Variants in CSMD1 observed in about 807,000 individuals in gnomAD.
The protein encoded by CSMD1 is CUB and sushi domain-containing protein 1.
In CSMD1, 213 loss-of-function variants were observed where a neutral mutation model predicts 417.5. The observed-to-expected ratio is 0.51, with a 90% CI of 0.46 to 0.57. CSMD1 has a LOEUF of 0.57. Ranked by LOEUF, CSMD1 falls within the 20% of genes least tolerant of loss-of-function variation. The probability of loss-of-function intolerance (pLI) is 0.00; values close to 1 mark genes in which losing one functional copy is unlikely to be tolerated. For synonymous variants in CSMD1, 2,862 were observed against 1,736.8 expected, an observed-to-expected ratio of 1.65 and a Z score of -16.11; for missense variants, 6,923 against 4,529.7, an observed-to-expected ratio of 1.53 and a Z score of -15.17.
chr8:3,694,067 T>C (rs1177464580), intron 7 of CSMD1, among the ~76,000 whole-genome samples: 2 of 150,866 alleles, frequency 1.3e-5, no homozygotes, highest in African/African-American at 4.9e-5. Flanking sequence ...TGTGTGTGTG[T>C]TGTGTGTGTT....
rs752155331 is a variant in CSMD1, at chr8:3,284,274, A to C, written c.4023T>G (p.Ser1341Arg). The change falls in exon 26 of 70, where the codon AGT becomes AGG. Residue 1341 changes from serine to arginine, a missense_variant. Coordinates refer to ENST00000635120, the MANE Select transcript of CSMD1 (RefSeq NM_033225.6). ...CACTCCACTCCTTCAGCAGGATGTCACTGTCCACCGGCCCGTCCCAGACCT... is the reference window on the plus strand; with the variant it reads ...CACTCCACTCCTTCAGCAGGATGTCCCTGTCCACCGGCCCGTCCCAGACCT... ...ILKVWDGPVD[S>R]DILLKEWSGS... The C allele has an allele frequency of 6.2e-7, 1 of 1,613,942 alleles. No individual in the cohort carries two copies. Among genetic ancestry groups the C allele is most frequent in the Non-Finnish European group, 8.5e-7 (1 of 1,179,856 alleles).
intron 10 of CSMD1, among the ~76,000 whole-genome samples, chr8:3,495,386 T>A (rs186991520): frequency 6.6e-6 from 1 of 152,032 alleles, no homozygotes; most frequent in African/African-American, 2.4e-5. Context: ...TGTGTCATGT[T>A]TGGCTGATTT....
chr8:3,947,849 A>C (rs904227250), intron 5 of CSMD1, among the ~76,000 whole-genome samples: 3 of 152,222 alleles, frequency 2.0e-5, no homozygotes, highest in Admixed American at 6.5e-5. Context: ...CAGGGCTAAC[A>C]AAACCTCCAC....
intron 1 of CSMD1, among the ~76,000 whole-genome samples, chr8:4,735,098 C>T (rs1259784798): frequency 1.3e-5 from 2 of 152,278 alleles, no homozygotes; most frequent in East Asian, 3.9e-4. Context: ...AAAGTTTCCG[C>T]AGGGAAGAGC....
chr8:4,187,602 G>A (rs1389558577), intron 3 of CSMD1, among the ~76,000 whole-genome samples: 2 of 149,352 alleles, frequency 1.3e-5, no homozygotes, highest in Non-Finnish European at 3.0e-5. Flanking sequence ...CTTGAACCCA[G>A]GATGTGGAGG....
chr8:3,320,697 G>T (rs770961956), intron 23 of CSMD1, among the ~76,000 whole-genome samples: 1 of 152,124 alleles, frequency 6.6e-6, no homozygotes, highest in Non-Finnish European at 1.5e-5. Context: ...CTCATTCTTT[G>T]AAAGAATTTC....
chr8:4,282,909 T>A (rs1248790136), intron 3 of CSMD1, among the ~76,000 whole-genome samples: 1 of 152,166 alleles, frequency 6.6e-6, no homozygotes, highest in Admixed American at 6.5e-5. Flanking sequence ...TTACCACAGT[T>A]CATTGCTGTA....
chr8:4,638,183 T>A (rs971839912), intron 1 of CSMD1, among the ~76,000 whole-genome samples: 1 of 152,206 alleles, frequency 6.6e-6, no homozygotes, highest in African/African-American at 2.4e-5. Flanking sequence ...GGAACAAATT[T>A]GGTGCTATCT....
intron 1 of CSMD1, among the ~76,000 whole-genome samples, chr8:4,722,103 A>G (rs913574156): frequency 3.3e-5 from 5 of 152,094 alleles, no homozygotes; most frequent in African/African-American, 1.2e-4. Flanking sequence ...TAGCATGAAA[A>G]CTATAGGTAA....
intron 30 of CSMD1, among the ~76,000 whole-genome samples, chr8:3,207,736 CAG>C (rs1797384505): frequency 6.6e-6 from 1 of 152,140 alleles, no homozygotes; most frequent in South Asian, 2.1e-4. Context: ...TCAAAGCTGA[CAG>C]AAATTTAAGC....
At chr8:4,062,488 A>G (rs1362993351) in intron 3 of CSMD1, among the ~76,000 whole-genome samples, 1 of 152,186 alleles carries the variant, frequency 6.6e-6, no homozygotes, top group East Asian at 1.9e-4. Context: ...ACAAATAAAT[A>G]AACAATAACC....
At chr8:4,486,730 C>T (rs558184693) in intron 2 of CSMD1, among the ~76,000 whole-genome samples, 2 of 152,166 alleles carry the variant, frequency 1.3e-5, no homozygotes. Flanking sequence ...AGAGGGTTCC[C>T]CTTCATGGAA....
chr8:3,727,613 G>C (rs1442831886), intron 6 of CSMD1, among the ~76,000 whole-genome samples: 1 of 152,150 alleles, frequency 6.6e-6, no homozygotes, highest in African/African-American at 2.4e-5. Context: ...TTCGACTTTT[G>C]CGTACACACC....
At chr8:4,412,215 G>C (rs868758669) in intron 3 of CSMD1, among the ~76,000 whole-genome samples, 24 of 152,114 alleles carry the variant, frequency 1.6e-4, no homozygotes, top group African/African-American at 5.8e-4. Flanking sequence ...GTAACCCCCA[G>C]TATTGGAGGT....
At chr8:4,335,224 T>A (rs1800100221) in intron 3 of CSMD1, among the ~76,000 whole-genome samples, 1 of 152,046 alleles carries the variant, frequency 6.6e-6, no homozygotes, top group Non-Finnish European at 1.5e-5. Flanking sequence ...TTTCTATGGA[T>A]ACTGATCCCA....
rs1799173746 is a variant in CSMD1, at chr8:3,781,417, G to A, written c.819-27375C>T. 2.6e-5 allele frequency among the ~76,000 whole-genome samples: 4 copies of A among 152,152 alleles called. No homozygotes were observed. In the South Asian group the frequency reaches 8.3e-4, roughly 31 times the overall value. On this transcript the variant is annotated intron_variant, in intron 5 of 69. Transcript: ENST00000635120. ...CTTGTGCTGTGAGGCCAGGTGGACTGGGAGCAGCACAGTCTGGGGGGTTTC... is the reference window on the plus strand; with the variant it reads ...CTTGTGCTGTGAGGCCAGGTGGACTAGGAGCAGCACAGTCTGGGGGGTTTC...
In CSMD1 at chr8:3,665,305, G is replaced by A. The variant is rs542110663; in HGVS notation, c.1009+43109C>T. On this transcript the variant is annotated intron_variant, in intron 7 of 69. Coordinates refer to ENST00000635120, the MANE Select transcript of CSMD1 (RefSeq NM_033225.6). ...AGCACTTTAGGAGGCTGAGGTGGGC[G>A]GATGGCCTGAGGTCAGGAGTTCGAG... is the stretch of plus-strand genomic sequence containing the variant. Among the ~76,000 whole-genome samples the A allele has an allele frequency of 5.9e-5, 9 of 152,200 alleles. No individual in the cohort carries two copies. The South Asian group carries it at 6.2e-4, about 11-fold the overall frequency.
At chr8:4,702,137 G>C (rs552506756) in intron 1 of CSMD1, among the ~76,000 whole-genome samples, 4 of 152,278 alleles carry the variant, frequency 2.6e-5, no homozygotes, top group Admixed American at 2.0e-4. Context: ...TAGAGCACTA[G>C]GAAAAATAGC....
intron 5 of CSMD1, among the ~76,000 whole-genome samples, chr8:3,978,298 C>T (rs78568731): frequency 0.051 from 7,711 of 152,182 alleles, 324 homozygotes; most frequent in African/African-American, 0.1. Flanking sequence ...CCACACAAAC[C>T]CCACAAAAAC....
Sources: gnomAD v4.1 joint callset for allele counts (sites outside exome capture counted in the v4.1 genomes callset) on GRCh38, gnomAD v4.1.1 for gene constraint, MANE v1.5 for transcripts, NCBI Gene and HGNC (gene_info 2026-07-23, HGNC 2026-07-21) for gene names.